Variants in ZNF469 observed in about 807,000 individuals in gnomAD.
ZNF469 encodes the protein zinc finger protein 469.
Under a neutral mutation model 1.0 loss-of-function variants are expected in ZNF469, and 1 was observed. That is an observed-to-expected ratio of 1.00 (90% CI 0.35 to 4.73). ZNF469 has a LOEUF of 4.73. ZNF469 is among the 30% of genes most tolerant of loss of function. The pLI, the probability that ZNF469 is intolerant of heterozygous loss-of-function variation, is 0.16. For synonymous variants in ZNF469, 2,703 were observed against 2,363.4 expected, an observed-to-expected ratio of 1.14 and a Z score of -4.17; for missense variants, 6,100 against 5,356.3, an observed-to-expected ratio of 1.14 and a Z score of -4.33.
intron 1 of ZNF469, among the ~76,000 whole-genome samples, chr16:88,396,115 T>C (rs1201252304): frequency 6.6e-6 from 1 of 152,218 alleles, no homozygotes; most frequent in Admixed American, 6.5e-5. Context: ...AAGCTGCGTT[T>C]TTCAGGTGCT....
the ZNF469 span, among the ~76,000 whole-genome samples, chr16:88,108,287 C>T: frequency 5.9e-5 from 9 of 151,422 alleles, no homozygotes; most frequent in South Asian, 1.0e-3. Flanking sequence ...GCACAGAGGA[C>T]GCCTTCCAGT....
chr16:88,328,527 G>C, the ZNF469 span, among the ~76,000 whole-genome samples: 1 of 152,238 alleles, frequency 6.6e-6, no homozygotes, highest in African/African-American at 2.4e-5. Context: ...CCATCAGTGT[G>C]TGCTCTGTGG....
In ZNF469 at chr16:88,428,600, C is replaced by A; in HGVS notation, c.1130C>A (p.Thr377Asn). Residue 377 changes from threonine to asparagine, a missense_variant, in exon 3 of 3, where the codon ACC (threonine) becomes AAC (asparagine). Physicochemically the swap from Thr to Asn is moderately conservative, Grantham distance 65 (BLOSUM62 0). Transcript: ENST00000565624. ...TCTGACAGTTTACACAAGAGCCTGA[C>A]CAAAATCCTTCCCGAAAGACCACCT... is the stretch of plus-strand genomic sequence containing the variant. ...PFSDSLHKSL[T>N]KILPERPPSA... 6.5e-7 allele frequency: 1 copy of A among 1,550,230 alleles called. No individual in the cohort carries two copies. The highest frequency in any genetic ancestry group is 8.7e-7 in the Non-Finnish European group (1 of 1,146,878).
chr16:88,218,004 G>A, the ZNF469 span, among the ~76,000 whole-genome samples: 1 of 106,406 alleles, frequency 9.4e-6, no homozygotes, highest in Non-Finnish European at 2.0e-5. Context: ...CTAGATCCCT[G>A]AGGAATCGCC....
intron 1 of ZNF469, among the ~76,000 whole-genome samples, chr16:88,387,695 A>T (rs1289653024): frequency 6.6e-6 from 1 of 152,182 alleles, no homozygotes; most frequent in African/African-American, 2.4e-5. Flanking sequence ...CCCAGCGAGG[A>T]GAGCCCGCAG....
the ZNF469 span, among the ~76,000 whole-genome samples, chr16:88,282,794 T>C: frequency 2.0e-5 from 3 of 152,030 alleles, no homozygotes; most frequent in East Asian, 1.9e-4. Flanking sequence ...CTCGATGGAG[T>C]GGATGCAGCT....
chr16:88,311,213 C>A, the ZNF469 span, among the ~76,000 whole-genome samples: 1 of 152,212 alleles, frequency 6.6e-6, no homozygotes, highest in African/African-American at 2.4e-5. Context: ...CTCACCACAT[C>A]CCCTCAGGGG....
At chr16:88,115,475 C>A in the ZNF469 span, among the ~76,000 whole-genome samples, 1 of 151,950 alleles carries the variant, frequency 6.6e-6, no homozygotes, top group Admixed American at 6.6e-5. Context: ...TGACCCGGTC[C>A]CCTCCCGCTT....
At chr16:88,403,046 C>T (rs1264854360) in intron 1 of ZNF469, among the ~76,000 whole-genome samples, 1 of 152,188 alleles carries the variant, frequency 6.6e-6, no homozygotes, top group Non-Finnish European at 1.5e-5. Flanking sequence ...CATGGTGCAT[C>T]CAGGCACTTT....
chr16:88,120,391 G>A, the ZNF469 span, among the ~76,000 whole-genome samples: 1 of 152,258 alleles, frequency 6.6e-6, no homozygotes, highest in Non-Finnish European at 1.5e-5. Context: ...CTCATTTCCC[G>A]GAGTGATGTC....
the ZNF469 span, among the ~76,000 whole-genome samples, chr16:88,123,090 A>T: frequency 6.6e-6 from 1 of 152,148 alleles, no homozygotes; most frequent in Non-Finnish European, 1.5e-5. Flanking sequence ...TTTGAATGGC[A>T]TATGCTGGCG....
upstream of ZNF469, among the ~76,000 whole-genome samples, chr16:88,381,633 G>A (rs952463413): frequency 1.6e-4 from 24 of 152,236 alleles, no homozygotes; most frequent in African/African-American, 5.5e-4. Flanking sequence ...TGGAAAGGGA[G>A]ATCCCAGGAC....
At chr16:88,381,307 C>T (rs903718516), upstream of ZNF469, among the ~76,000 whole-genome samples, 1 of 148,144 alleles carries the variant, frequency 6.8e-6, no homozygotes, top group Non-Finnish European at 1.5e-5. Context: ...CACATGCACT[C>T]ATGCACTCAC....
chr16:88,165,111 T>C, the ZNF469 span, among the ~76,000 whole-genome samples: 2 of 152,206 alleles, frequency 1.3e-5, no homozygotes, highest in African/African-American at 4.8e-5. Flanking sequence ...TCAGTTGTGC[T>C]CAAACCAGAG....
chr16:88,112,247 G>A, the ZNF469 span, among the ~76,000 whole-genome samples: 5 of 152,132 alleles, frequency 3.3e-5, no homozygotes, highest in African/African-American at 1.2e-4. Context: ...AGTAAACACA[G>A]GACTGCAGAC....
At chr16:88,381,885 C>G (rs2092526180), upstream of ZNF469, among the ~76,000 whole-genome samples, 1 of 152,258 alleles carries the variant, frequency 6.6e-6, no homozygotes, top group Non-Finnish European at 1.5e-5. Flanking sequence ...CAGGCCCACT[C>G]ATTGGCTCCA....
chr16:88,366,173 C>CATCATCACCATCATCACCAT, the ZNF469 span, among the ~76,000 whole-genome samples: 143 of 138,984 alleles, frequency 1.0e-3, 32 homozygotes, highest in South Asian at 7.0e-4. Flanking sequence ...ATCATCACCA[C>CATCATCACCATCATCACCAT]GATCATCATC....
rs549744162 is a variant in ZNF469, at chr16:88,431,481, C to G, written c.4011C>G (p.Thr1337=). The change falls in exon 3 of 3, where the codon ACC becomes ACG. Residue 1337 remains threonine (T), a synonymous_variant. Coordinates refer to ENST00000565624, the MANE Select transcript of ZNF469 (RefSeq NM_001367624.2). Reference sequence around the variant, plus strand: ...CACCCGTGGCTAACCCCTCAAGTACCGCCTGCCCCAAACCCAGTGTTCTGT... The same window carrying G: ...CACCCGTGGCTAACCCCTCAAGTACGGCCTGCCCCAAACCCAGTGTTCTGT... The part of the protein sequence containing the change: ...FLAPVANPSS[T]ACPKPSVLSS... 2 of 1,550,424 alleles carry G rather than the reference C, an allele frequency of 1.3e-6. No individual in the cohort carries two copies. Among genetic ancestry groups the G allele is most frequent in the Middle Eastern group, 1.7e-4 (1 of 5,992 alleles).
chr16:88,176,775 C>T, the ZNF469 span, among the ~76,000 whole-genome samples: 12 of 152,280 alleles, frequency 7.9e-5, no homozygotes, highest in African/African-American at 2.7e-4. Context: ...CAACGCCCAG[C>T]GCAGCTTCTG....
Sources: gnomAD v4.1 joint callset for allele counts (sites outside exome capture counted in the v4.1 genomes callset) on GRCh38, gnomAD v4.1.1 for gene constraint, MANE v1.5 for transcripts, NCBI Gene and HGNC (gene_info 2026-07-23, HGNC 2026-07-21) for gene names.